CDH7: variants seen among roughly 807,000 people sequenced by gnomAD.
The protein encoded by CDH7 is cadherin-7.
Under a neutral mutation model 71.8 loss-of-function variants are expected in CDH7, and 25 were observed. The observed-to-expected ratio is 0.35, with a 90% confidence interval of 0.25 to 0.49. The LOEUF is 0.49. Ranked by LOEUF, CDH7 falls within the 20% of genes least tolerant of loss-of-function variation. The pLI is 0.99. For synonymous variants in CDH7, 381 were observed against 363.8 expected, an observed-to-expected ratio of 1.05 and a Z score of -0.54; for missense variants, 862 against 974.6, an observed-to-expected ratio of 0.88 and a Z score of 1.54.
intron 7 of CDH7, among the ~76,000 whole-genome samples, chr18:65,851,766 A>G (rs1568219768): frequency 6.6e-6 from 1 of 152,336 alleles, no homozygotes; most frequent in African/African-American, 2.4e-5. Flanking sequence ...TGAACAAATG[A>G]AGAAACAGAA....
chr18:65,832,671 T>A (rs1256248812), intron 6 of CDH7, among the ~76,000 whole-genome samples: 1 of 152,140 alleles, frequency 6.6e-6, no homozygotes, highest in Non-Finnish European at 1.5e-5. Flanking sequence ...ACCAGTTAAA[T>A]AGGATTTCAA....
chr18:65,822,538 T>G (rs951940950), intron 5 of CDH7, among the ~76,000 whole-genome samples: 1 of 137,298 alleles, frequency 7.3e-6, no homozygotes, highest in Admixed American at 8.1e-5. Flanking sequence ...ATTGTGTTTA[T>G]GTATTAGTCT....
At chr18:65,778,700 C>A (rs1447702652) in intron 2 of CDH7, among the ~76,000 whole-genome samples, 1 of 149,056 alleles carries the variant, frequency 6.7e-6, no homozygotes. Flanking sequence ...GAGACGTCAA[C>A]AGTTTATTTC....
At chr18:65,852,460 CT>C (rs1346132116) in intron 7 of CDH7, among the ~76,000 whole-genome samples, 4 of 151,922 alleles carry the variant, frequency 2.6e-5, no homozygotes, top group Non-Finnish European at 5.9e-5. Flanking sequence ...CATCAAGAGC[CT>C]TCACTTCATT....
At chr18:65,811,754 A>C (rs1488072736) in intron 3 of CDH7, among the ~76,000 whole-genome samples, 10 of 152,052 alleles carry the variant, frequency 6.6e-5, no homozygotes, top group Admixed American at 2.6e-4. Flanking sequence ...TTGGCTTGCT[A>C]AGGTTTTCCT....
intron 2 of CDH7, among the ~76,000 whole-genome samples, chr18:65,792,578 G>A (rs1910753058): frequency 6.6e-6 from 1 of 152,030 alleles, no homozygotes; most frequent in South Asian, 2.1e-4. Context: ...ATAATACTGT[G>A]TTCTGGAATA....
rs764408719 is a variant in CDH7 at position 65,865,007 on chromosome 18, G to C, written c.1864+2090G>C. On this transcript the variant is annotated intron_variant, in intron 11 of 11. Transcript: ENST00000397968. ...AGATGATGTGTGGAAGACTTTTTAA[G>C]TTTGGTCAGTGTATCATAAACAACT... Among the ~76,000 whole-genome samples, 28 of 151,712 alleles carry C rather than the reference G, an allele frequency of 1.8e-4. 1 individual carries two copies. Among genetic ancestry groups the C allele is most frequent in the Non-Finnish European group, 2.5e-4 (17 of 67,924 alleles).
chr18:65,753,114 T>A (rs775280181), intron 1 of CDH7, among the ~76,000 whole-genome samples: 1 of 152,006 alleles, frequency 6.6e-6, no homozygotes, highest in African/African-American at 2.4e-5. Flanking sequence ...GCACGCGGAG[T>A]TGGCCACTGT....
rs190156556 is a variant in CDH7, at chr18:65,836,168, A to G, written c.982-7644A>G. On this transcript the variant is annotated intron_variant, in intron 6 of 11. Transcript: ENST00000397968. ...CCTTGATTTTAGACTTCTGACCTCC[A>G]AAACTATAAAGCAACAAATTTCTTT... Among the ~76,000 whole-genome samples the G allele has an allele frequency of 2.6e-3, 393 of 152,350 alleles. 2 individuals are homozygous for G. Among genetic ancestry groups the G allele is most frequent in the Non-Finnish European group, 4.6e-3 (316 of 68,030 alleles).
At chr18:65,821,560 T>C (rs1192075456) in intron 4 of CDH7, among the ~76,000 whole-genome samples, 4 of 152,154 alleles carry the variant, frequency 2.6e-5, no homozygotes, top group Non-Finnish European at 5.9e-5. Flanking sequence ...GTAATTTGAA[T>C]GCCTAAAATA....
intron 2 of CDH7, among the ~76,000 whole-genome samples, chr18:65,781,868 C>CTTTCTT (rs1158204834): frequency 3.0e-5 from 2 of 65,646 alleles, no homozygotes; most frequent in Admixed American, 1.9e-4. Flanking sequence ...CTTTCTTTCT[C>CTTTCTT]TCTCTCTCTC....
chr18:65,842,979 T>C (rs1912791773), intron 6 of CDH7, among the ~76,000 whole-genome samples: 1 of 152,110 alleles, frequency 6.6e-6, no homozygotes, highest in Non-Finnish European at 1.5e-5. Flanking sequence ...TCTGTATCCA[T>C]TGAAGAAAAA....
chr18:65,829,888 C>T (rs1453413740), intron 6 of CDH7, among the ~76,000 whole-genome samples: 1 of 149,658 alleles, frequency 6.7e-6, no homozygotes, highest in Non-Finnish European at 1.5e-5. Context: ...TGATTTTTTT[C>T]ATAGACTTAG....
rs1457546887 is a variant in CDH7 at position 65,883,566 on chromosome 18, G to T, written c.*2672G>T. 1 of 151,956 alleles carries T rather than the reference G, an allele frequency of 6.6e-6. No homozygotes were observed. Among genetic ancestry groups the T allele is most frequent in the African/African-American group, 2.4e-5 (1 of 41,394 alleles). The allele number at this position is 151,956 out of a possible 1,614,324, so 9.4% of individuals were successfully genotyped here. On this transcript the variant is annotated 3_prime_UTR_variant, in exon 12 of 12. Coordinates refer to ENST00000397968, the MANE Select transcript of CDH7 (RefSeq NM_004361.5). Reference sequence around the variant, plus strand: ...ATTATACTGAAACCAACTAGAATGAGCTCACAGGAACTAATTCTTCATATC... The same window carrying T: ...ATTATACTGAAACCAACTAGAATGATCTCACAGGAACTAATTCTTCATATC...
In CDH7 at chr18:65,881,153, G is replaced by T. The variant is rs1218212038; in HGVS notation, c.*259G>T. The T allele has an allele frequency of 3.0e-6, 1 of 332,568 alleles. No individual in the cohort carries two copies. The highest frequency in any genetic ancestry group is 2.1e-5 in the African/African-American group (1 of 46,906). The allele number at this position is 332,568 out of a possible 1,614,324, so 20.6% of individuals were successfully genotyped here. ...GTTTTTTGATAAAAATAAATGCTCA[G>T]TGGTTTGTGAATAGATAGCAACTCT... On this transcript the variant is annotated 3_prime_UTR_variant, in exon 12 of 12. Transcript: ENST00000397968.
chr18:65,771,480 AAAAATAAAAAT>A (rs886793653), intron 2 of CDH7, among the ~76,000 whole-genome samples: 1 of 151,942 alleles, frequency 6.6e-6, no homozygotes, highest in South Asian at 2.1e-4. Flanking sequence ...TCTCTACTAA[AAAAATAAAAAT>A]AAAATAAAAA....
In CDH7 at chr18:65,882,314, T is replaced by G. The variant is rs1914254791; in HGVS notation, c.*1420T>G. 1.3e-5 allele frequency: 2 copies of G among 152,232 alleles called. No individual in the cohort carries two copies. The highest frequency in any genetic ancestry group is 4.8e-5 in the African/African-American group (2 of 41,568). 9.4% of individuals were successfully genotyped at this position (152,232 alleles called of 1,614,324 possible). A position where few individuals can be genotyped will look rare whatever the true frequency, so the allele number is the denominator to read the frequency against. On this transcript the variant is annotated 3_prime_UTR_variant, in exon 12 of 12. Transcript: ENST00000397968. Reference sequence around the variant, plus strand: ...CCAAAATGATGTTTCTACCTATTATTTTTCCTAGATTAATACTAGTTTAAT... The same window carrying G: ...CCAAAATGATGTTTCTACCTATTATGTTTCCTAGATTAATACTAGTTTAAT...
intron 2 of CDH7, among the ~76,000 whole-genome samples, chr18:65,796,964 C>T (rs1910939599): frequency 6.6e-6 from 1 of 152,072 alleles, no homozygotes; most frequent in African/African-American, 2.4e-5. Flanking sequence ...AAAATCTAAA[C>T]AGAAATTAAA....
intron 11 of CDH7, 38 bp from the exon 12 acceptor site, chr18:65,880,363 G>A: frequency 6.6e-7 from 1 of 1,514,484 alleles, no homozygotes; most frequent in Non-Finnish European, 8.8e-7. Context: ...CAATGGGTGA[G>A]TTTACTGAAA....
Sources: allele counts gnomAD v4.1 joint callset (sites outside exome capture counted in the v4.1 genomes callset), GRCh38; gene constraint gnomAD v4.1.1; transcripts MANE v1.5; gene names NCBI Gene and HGNC (gene_info 2026-07-23, HGNC 2026-07-21).